The following CDKAL1 variants were observed in gnomAD, a reference collection of about 807,000 sequenced individuals.
CDKAL1 encodes the protein CDKAL1 threonylcarbamoyladenosine tRNA methylthiotransferase, also known as threonylcarbamoyladenosine tRNA methylthiotransferase.
CDKAL1 carries 32 observed loss-of-function variants against 68.2 expected under a neutral mutation model. The observed-to-expected ratio is 0.47, with a 90% CI of 0.35 to 0.63. The LOEUF (loss-of-function observed/expected upper bound fraction) is 0.63, where lower values mean the gene tolerates loss of function less well. Ranked by LOEUF, CDKAL1 falls within the 30% of genes least tolerant of loss-of-function variation. The pLI is 0.00. For synonymous variants in CDKAL1, 234 were observed against 244.3 expected (o/e 0.96, Z 0.39); for missense variants, 606 against 696.7 (o/e 0.87, Z 1.47).
intron 2 of CDKAL1, among the ~76,000 whole-genome samples, chr6:20,544,775 A>G (rs1333605335): frequency 1.3e-5 from 2 of 152,064 alleles, no homozygotes; most frequent in East Asian, 1.9e-4. Flanking sequence ...AAACTTGTGT[A>G]TCAGTTTGGT....
rs1339498558 is a variant in CDKAL1 at position 21,213,981 on chromosome 6, A to G, written c.1548+12707A>G. 2.0e-5 allele frequency among the ~76,000 whole-genome samples: 3 copies of G among 152,242 alleles called. No individual in the cohort carries two copies. The South Asian group carries it at 6.2e-4, about 31-fold the overall frequency. ...AAAATGTGGTATGTAGTAGAATGGAATTTTATTCAGCCATAGAAAGACATG... is the reference window on the plus strand; with the variant it reads ...AAAATGTGGTATGTAGTAGAATGGAGTTTTATTCAGCCATAGAAAGACATG... On this transcript the variant is annotated intron_variant, in intron 15 of 15. Transcript: ENST00000274695.
At chr6:20,572,117 T>G (rs1409567636) in intron 4 of CDKAL1, among the ~76,000 whole-genome samples, 1 of 152,184 alleles carries the variant, frequency 6.6e-6, no homozygotes, top group African/African-American at 2.4e-5. Flanking sequence ...ACTTTACCCC[T>G]GTTGGAGGCA....
At chr6:20,959,244 AC>A (rs1036038041) in intron 10 of CDKAL1, among the ~76,000 whole-genome samples, 1 of 152,208 alleles carries the variant, frequency 6.6e-6, no homozygotes, top group African/African-American at 2.4e-5. Context: ...CCCTTAAAAA[AC>A]AATATAGGAT....
chr6:20,548,693 T>C lies in CDKAL1; in HGVS notation c.274T>C (p.Tyr92His), dbSNP rs763606963. Residue 92 changes from tyrosine to histidine, a missense_variant, in exon 4 of 16, where the codon TAT (tyrosine) becomes CAT (histidine). Coordinates refer to ENST00000274695, the MANE Select transcript of CDKAL1 (RefSeq NM_017774.3). Reference sequence around the variant, plus strand: ...GGCTGGACAGCTAGCTGCTTATGGCTATAAAATTACAGGTAATGAGATCTA... The same window carrying C: ...GGCTGGACAGCTAGCTGCTTATGGCCATAAAATTACAGGTAATGAGATCTA... ...YMAGQLAAYG[Y>H]KITENASDAD... The C allele has an allele frequency of 5.6e-5, 82 of 1,475,482 alleles. No homozygotes were observed. Among genetic ancestry groups the C allele is most frequent in the Non-Finnish European group, 7.7e-5 (82 of 1,061,934 alleles). The allele number at this position is 1,475,482 out of a possible 1,614,324, so 91.4% of individuals were successfully genotyped here.
At chr6:21,095,680 C>T (rs56093609) in intron 12 of CDKAL1, among the ~76,000 whole-genome samples, 1 of 150,744 alleles carries the variant, frequency 6.6e-6, no homozygotes, top group Non-Finnish European at 1.5e-5. Context: ...CACTGGCTAT[C>T]TCTGTGTAGT....
chr6:21,082,024 A>G (rs1403651168), intron 12 of CDKAL1, among the ~76,000 whole-genome samples: 3 of 144,402 alleles, frequency 2.1e-5, no homozygotes, highest in Non-Finnish European at 4.4e-5. Context: ...ATTCAGGTCA[A>G]TGGAATAGAT....
intron 4 of CDKAL1, among the ~76,000 whole-genome samples, chr6:20,579,874 C>G (rs1020432976): frequency 6.6e-6 from 1 of 152,124 alleles, no homozygotes; most frequent in African/African-American, 2.4e-5. Context: ...CAAAATAGAT[C>G]TTAAAATTGC....
intron 8 of CDKAL1, among the ~76,000 whole-genome samples, chr6:20,797,346 A>T (rs1290505373): frequency 6.6e-6 from 1 of 152,238 alleles, no homozygotes; most frequent in African/African-American, 2.4e-5. Context: ...TGATAGTACC[A>T]GGTACTGGAG....
At chr6:21,184,356 G>A (rs1028121740) in intron 13 of CDKAL1, among the ~76,000 whole-genome samples, 5 of 151,966 alleles carry the variant, frequency 3.3e-5, no homozygotes, top group East Asian at 3.9e-4. Flanking sequence ...CACCATGCCC[G>A]GCTAATTTTT....
At chr6:20,556,672 T>G (rs1764055139) in intron 4 of CDKAL1, among the ~76,000 whole-genome samples, 1 of 152,162 alleles carries the variant, frequency 6.6e-6, no homozygotes, top group African/African-American at 2.4e-5. Flanking sequence ...TCTGCTAATT[T>G]TGTATAGCTT....
intron 5 of CDKAL1, among the ~76,000 whole-genome samples, chr6:20,716,644 G>C (rs752776043): frequency 7.2e-5 from 11 of 151,774 alleles, no homozygotes; most frequent in African/African-American, 2.4e-4. Flanking sequence ...AGATGAGAAA[G>C]AACAGAAGAG....
chr6:20,710,701 A>G (rs1429867165), intron 5 of CDKAL1, among the ~76,000 whole-genome samples: 5 of 152,330 alleles, frequency 3.3e-5, no homozygotes, highest in African/African-American at 1.2e-4. Context: ...AGCTTACTTT[A>G]AAAAATACAG....
intron 10 of CDKAL1, among the ~76,000 whole-genome samples, chr6:20,981,913 T>C (rs976158073): frequency 6.6e-6 from 1 of 152,198 alleles, no homozygotes; most frequent in African/African-American, 2.4e-5. Context: ...ATATTACACA[T>C]TTTGTTAGAC....
In CDKAL1 at chr6:20,797,081, TAAG is replaced by T. The variant is rs1483181455; in HGVS notation, c.638+15820_638+15822del. 3.3e-5 allele frequency among the ~76,000 whole-genome samples: 5 copies of T among 152,034 alleles called. No homozygotes were observed. In the East Asian group the frequency reaches 7.7e-4, roughly 23 times the overall value. On this transcript the variant is annotated intron_variant, in intron 8 of 15. Coordinates refer to ENST00000274695, the MANE Select transcript of CDKAL1 (RefSeq NM_017774.3). ...TCTGTGAATGAAACTATTAAGATAA[TAAG>T]AAGCAATCTGCAGGCTGGGAGAACA...
chr6:21,088,184 C>T (rs1010910413), intron 12 of CDKAL1, among the ~76,000 whole-genome samples: 1 of 152,108 alleles, frequency 6.6e-6, no homozygotes, highest in Non-Finnish European at 1.5e-5. Context: ...AGTGACTATA[C>T]TTCATATAAA....
At chr6:21,008,338 A>G (rs1002252831) in intron 11 of CDKAL1, among the ~76,000 whole-genome samples, 3 of 152,196 alleles carry the variant, frequency 2.0e-5, no homozygotes, top group African/African-American at 7.2e-5. Context: ...AAGTCTAGGG[A>G]ACACCAATAT....
chr6:21,138,057 A>G (rs1401424438), intron 13 of CDKAL1, among the ~76,000 whole-genome samples: 1 of 151,990 alleles, frequency 6.6e-6, no homozygotes, highest in Non-Finnish European at 1.5e-5. Context: ...ATTCACTTTC[A>G]TATGTATTTC....
At chr6:20,843,760 A>G (rs150515515) in intron 8 of CDKAL1, among the ~76,000 whole-genome samples, 53 of 152,314 alleles carry the variant, frequency 3.5e-4, no homozygotes, top group Non-Finnish European at 5.6e-4. Context: ...ATGGTCAACC[A>G]ATAGCTTCCA....
intron 8 of CDKAL1, among the ~76,000 whole-genome samples, chr6:20,799,057 T>TTG (rs1776251996): frequency 2.4e-5 from 3 of 125,594 alleles, no homozygotes; most frequent in African/African-American, 9.1e-5. Context: ...TTTTTTTTTT[T>TTG]TTTTTTTTTT....
Sources: gnomAD v4.1 joint callset for allele counts (sites outside exome capture counted in the v4.1 genomes callset) on GRCh38, gnomAD v4.1.1 for gene constraint, MANE v1.5 for transcripts, NCBI Gene and HGNC (gene_info 2026-07-23, HGNC 2026-07-21) for gene names.